Variants in CFAP61 observed in about 807,000 individuals in gnomAD.
CFAP61 encodes the protein cilia- and flagella-associated protein 61.
CFAP61 carries 107 observed loss-of-function variants against 135.6 expected under a neutral mutation model. The observed-to-expected ratio is 0.79, with a 90% CI of 0.67 to 0.93. The LOEUF is 0.93. Ranked by LOEUF, CFAP61 falls within the 40% of genes least tolerant of loss-of-function variation. The pLI, the probability that CFAP61 is intolerant of heterozygous loss-of-function variation, is 0.00. For missense variants in CFAP61, 1,507 were observed against 1,556.2 expected (o/e 0.97, Z 0.53); for synonymous variants, 575 against 578.5 (o/e 0.99, Z 0.09).
intron 25 of CFAP61, among the ~76,000 whole-genome samples, chr20:20,332,459 A>C (rs1292550481): frequency 6.6e-6 from 1 of 152,198 alleles, no homozygotes; most frequent in Non-Finnish European, 1.5e-5. Context: ...AACTGGTTTA[A>C]CTATTTTGAT....
At chr20:20,250,975 G>A (rs2050839243) in intron 19 of CFAP61, among the ~76,000 whole-genome samples, 1 of 152,212 alleles carries the variant, frequency 6.6e-6, no homozygotes, top group Admixed American at 6.5e-5. Flanking sequence ...AATCACCTCT[G>A]CCCTGAAGGG....
intron 6 of CFAP61, among the ~76,000 whole-genome samples, chr20:20,078,074 A>G (rs1186423164): frequency 6.6e-6 from 1 of 152,216 alleles, no homozygotes; most frequent in African/African-American, 2.4e-5. Flanking sequence ...AGTTTATTTC[A>G]GGGCCTGCCC....
intron 15 of CFAP61, among the ~76,000 whole-genome samples, chr20:20,195,141 G>A (rs1020711874): frequency 6.6e-6 from 1 of 152,116 alleles, no homozygotes; most frequent in Non-Finnish European, 1.5e-5. Context: ...CTAGGGTTCC[G>A]CCACTGGCCC....
At chr20:20,260,050 C>CT (rs1323203735) in intron 20 of CFAP61, among the ~76,000 whole-genome samples, 1 of 152,190 alleles carries the variant, frequency 6.6e-6, no homozygotes, top group Non-Finnish European at 1.5e-5. Flanking sequence ...TCCCTTGCCT[C>CT]TTTTACCTTT....
chr20:20,197,368 C>T (rs576160889), intron 16 of CFAP61, among the ~76,000 whole-genome samples: 1 of 152,298 alleles, frequency 6.6e-6, no homozygotes, highest in Non-Finnish European at 1.5e-5. Flanking sequence ...TGTGCATGCA[C>T]AGATAGCAAG....
intron 25 of CFAP61, among the ~76,000 whole-genome samples, chr20:20,328,313 G>A (rs946300607): frequency 2.0e-5 from 3 of 152,166 alleles, no homozygotes; most frequent in Non-Finnish European, 4.4e-5. Context: ...GTGAGAGATG[G>A]TACTTTGGAT....
At chr20:20,202,757 C>T (rs1481371753) in intron 17 of CFAP61, among the ~76,000 whole-genome samples, 3 of 151,868 alleles carry the variant, frequency 2.0e-5, no homozygotes, top group Non-Finnish European at 4.4e-5. Context: ...TCTCCCACCG[C>T]CCCCCCGCCA....
chr20:20,209,616 C>A (rs1441658035), intron 17 of CFAP61, among the ~76,000 whole-genome samples: 1 of 152,152 alleles, frequency 6.6e-6, no homozygotes, highest in Non-Finnish European at 1.5e-5. Context: ...TGAGCTGAGT[C>A]TCTGCTTTGA....
In CFAP61 at chr20:20,184,060, C is replaced by CA. The variant is rs943375425; in HGVS notation, c.1386-3870_1386-3869insA. 3.5e-4 allele frequency among the ~76,000 whole-genome samples: 53 copies of CA among 152,278 alleles called. 1 individual carries two copies. The highest frequency in any genetic ancestry group is 1.3e-3 in the African/African-American group (52 of 41,548). ...ACTTTGCAGGAAGATAACCCCATGT[C>CA]CTACTGAACATTTATTGGGCACCAC... On this transcript the variant is annotated intron_variant, in intron 13 of 26. Coordinates refer to ENST00000245957, the MANE Select transcript of CFAP61 (RefSeq NM_015585.4).
At chr20:20,181,771 C>T (rs1223642510) in intron 13 of CFAP61, among the ~76,000 whole-genome samples, 3 of 152,214 alleles carry the variant, frequency 2.0e-5, no homozygotes, top group African/African-American at 7.2e-5. Context: ...ACTATGCTTG[C>T]ACCCTTGGGA....
intron 7 of CFAP61, among the ~76,000 whole-genome samples, chr20:20,093,733 G>A (rs115618649): frequency 4.2e-4 from 64 of 152,184 alleles, no homozygotes; most frequent in Non-Finnish European, 8.1e-4. Context: ...CATGAATTGT[G>A]TACTTCTTGA....
At chr20:20,158,113 G>A (rs1429242426) in intron 9 of CFAP61, among the ~76,000 whole-genome samples, 1 of 147,202 alleles carries the variant, frequency 6.8e-6, no homozygotes, top group Non-Finnish European at 1.5e-5. Context: ...AGGGGGGAGG[G>A]ATAGCATTGG....
intron 21 of CFAP61, among the ~76,000 whole-genome samples, chr20:20,266,572 T>A (rs141558623): frequency 8.8e-4 from 134 of 152,352 alleles, no homozygotes; most frequent in African/African-American, 3.1e-3. Flanking sequence ...GCATTCGGCC[T>A]ACCTGGAAAT....
intron 20 of CFAP61, chr20:20,259,798 T>G (rs1476176617): frequency 2.0e-5 from 3 of 152,148 alleles, no homozygotes; most frequent in African/African-American, 7.2e-5. Flanking sequence ...AGTCTGTTAC[T>G]AAGAAAGGAA....
intron 13 of CFAP61, among the ~76,000 whole-genome samples, chr20:20,183,322 C>T (rs36012350): frequency 0.19 from 29,086 of 151,986 alleles, 3,534 homozygotes; most frequent in Non-Finnish European, 0.27. Flanking sequence ...CCACCATGCA[C>T]GGCTAATTTT....
intron 25 of CFAP61, among the ~76,000 whole-genome samples, chr20:20,304,491 G>C (rs2056333852): frequency 6.6e-6 from 1 of 151,140 alleles, no homozygotes; most frequent in South Asian, 2.1e-4. Flanking sequence ...GCCCCCACAG[G>C]CCTCGCTCAT....
intron 6 of CFAP61, among the ~76,000 whole-genome samples, chr20:20,088,402 C>T (rs2046954208): frequency 6.6e-6 from 1 of 152,090 alleles, no homozygotes; most frequent in South Asian, 2.1e-4. Context: ...AGGAAACTTA[C>T]AATCATGGTG....
chr20:20,336,073 G>C (rs768661758), intron 25 of CFAP61, among the ~76,000 whole-genome samples: 1 of 152,196 alleles, frequency 6.6e-6, no homozygotes, highest in Non-Finnish European at 1.5e-5. Context: ...GTGTGCAACA[G>C]AGTCTGTGGG....
Position 20,277,286 on chromosome 20 carries a change from C to T in CFAP61, c.2624C>T (p.Thr875Ile). 6.2e-7 allele frequency: 1 copy of T among 1,614,188 alleles called. No individual in the cohort carries two copies. The highest frequency in any genetic ancestry group is 1.7e-5 in the Admixed American group (1 of 60,028). ...CAGCCCCCGCCCGCCTCCACCATCACCTGCATCAACAACTACTCGGTGGAG... is the reference window on the plus strand; with the variant it reads ...CAGCCCCCGCCCGCCTCCACCATCATCTGCATCAACAACTACTCGGTGGAG... ...LVQPPPASTITCINNYSVESA... is the reference protein window; with the variant it reads ...LVQPPPASTIICINNYSVESA... The change falls in exon 22 of 27, where the codon ACC becomes ATC. Residue 875 changes from threonine to isoleucine, a missense_variant. By Grantham distance (89) the Thr-to-Ile change is moderately conservative (BLOSUM62 -1). Coordinates refer to ENST00000245957, the MANE Select transcript of CFAP61 (RefSeq NM_015585.4).
Sources: gnomAD v4.1 joint callset for allele counts (sites outside exome capture counted in the v4.1 genomes callset) on GRCh38, gnomAD v4.1.1 for gene constraint, MANE v1.5 for transcripts, NCBI Gene and HGNC (gene_info 2026-07-23, HGNC 2026-07-21) for gene names.